SLC6A15: variants seen among roughly 807,000 people sequenced by gnomAD.
SLC6A15 encodes sodium-dependent neutral amino acid transporter B(0)AT2.
In SLC6A15, 33 loss-of-function variants were observed where a neutral mutation model predicts 68.5. The observed-to-expected ratio is 0.48, with a 90% confidence interval of 0.37 to 0.64. SLC6A15 has a LOEUF of 0.64. Among genes scored for constraint, SLC6A15 ranks in the 30% least tolerant of loss-of-function variants. The pLI is 0.00. For synonymous variants in SLC6A15, 347 were observed against 301.0 expected, an observed-to-expected ratio of 1.15 and a Z score of -1.58; for missense variants, 747 against 874.3, an observed-to-expected ratio of 0.85 and a Z score of 1.84.
chr12:84,882,749 T>C (rs1354591747), intron 5 of SLC6A15: 1 of 172,940 alleles, frequency 5.8e-6, no homozygotes, highest in Non-Finnish European at 1.1e-5. Flanking sequence ...TGTAAAATGG[T>C]TCTGAAAATA....
intron 1 of SLC6A15, among the ~76,000 whole-genome samples, chr12:84,908,206 ACT>A (rs1281214105): frequency 1.3e-5 from 2 of 151,928 alleles, no homozygotes; most frequent in Admixed American, 6.6e-5. Context: ...GCTCACAAGA[ACT>A]CTCTGTGTTA....
At position 84,884,031 on chromosome 12, in the gene SLC6A15, G is replaced by A. The variant is rs1186216598; in HGVS notation, c.584C>T (p.Pro195Leu). The change falls in exon 5 of 12, where the codon CCA becomes CTA. Residue 195 changes from proline to leucine, a missense_variant. Transcript: ENST00000266682. Reference sequence around the variant, plus strand: ...GGTGGCAGAACTTTGTTCACATTCTGGTTCTACAACTGTAGAAAGAAAAGT... The same window carrying A: ...GGTGGCAGAACTTTGTTCACATTCTAGTTCTACAACTGTAGAAAGAAAAGT... ...VKNASHTFVE[P>L]ECEQSSATTY... 6.2e-7 allele frequency: 1 copy of A among 1,613,220 alleles called. No homozygotes were observed. The highest frequency in any genetic ancestry group is 8.5e-7 in the Non-Finnish European group (1 of 1,179,314).
intron 1 of SLC6A15, among the ~76,000 whole-genome samples, chr12:84,899,848 TA>T (rs1872782447): frequency 6.6e-6 from 1 of 152,120 alleles, no homozygotes; most frequent in Non-Finnish European, 1.5e-5. Flanking sequence ...TTGAAGCACT[TA>T]AAAGTAGATC....
At chr12:84,908,741 A>C (rs1419141470) in intron 1 of SLC6A15, among the ~76,000 whole-genome samples, 3 of 151,808 alleles carry the variant, frequency 2.0e-5, no homozygotes, top group Non-Finnish European at 4.4e-5. Context: ...GTGTGTATAC[A>C]CACTTAAACA....
At chr12:84,880,820 T>C in intron 5 of SLC6A15, 1 of 719,956 alleles carries the variant, frequency 1.4e-6, no homozygotes. Flanking sequence ...TACTAAAGTG[T>C]TTAAAAAATC....
intron 1 of SLC6A15, among the ~76,000 whole-genome samples, chr12:84,900,218 T>G (rs938088077): frequency 6.6e-6 from 1 of 152,068 alleles, no homozygotes; most frequent in Non-Finnish European, 1.5e-5. Flanking sequence ...AATTTATTTC[T>G]GATTAATGTG....
chr12:84,870,708 A>C, intron 8 of SLC6A15, 38 bp from the exon 9 acceptor site: 1 of 1,335,632 alleles, frequency 7.5e-7, no homozygotes, highest in Non-Finnish European at 1.0e-6. Context: ...AGTACAGAGT[A>C]ATTATTAAAC....
At chr12:84,901,257 GT>G (rs1182155368) in intron 1 of SLC6A15, among the ~76,000 whole-genome samples, 2 of 151,488 alleles carry the variant, frequency 1.3e-5, no homozygotes, top group Non-Finnish European at 3.0e-5. Flanking sequence ...TTCTGAAAAT[GT>G]TTTAAATTAA....
chr12:84,897,028 T>G (rs1565731491), intron 1 of SLC6A15, among the ~76,000 whole-genome samples: 1 of 151,714 alleles, frequency 6.6e-6, no homozygotes, highest in East Asian at 1.9e-4. Flanking sequence ...CCCTCTCCCC[T>G]AAAAAAATAC....
chr12:84,870,236 A>G (rs1203731002), intron 9 of SLC6A15, among the ~76,000 whole-genome samples: 2 of 150,538 alleles, frequency 1.3e-5, no homozygotes, highest in Non-Finnish European at 3.0e-5. Flanking sequence ...AACAATAAAT[A>G]TTTATTATAA....
chr12:84,884,386 A>T (rs1338001650), intron 4 of SLC6A15, among the ~76,000 whole-genome samples: 1 of 151,786 alleles, frequency 6.6e-6, no homozygotes, highest in Admixed American at 6.6e-5. Flanking sequence ...GCTCACTGCA[A>T]CCTCTGCCTC....
rs1320673855 is a variant in SLC6A15, at chr12:84,863,573, C to T, written c.1684G>A (p.Gly562Ser). ...KFMEDLKDML[G>S]FAPSRYYYYM... Reference sequence around the variant, plus strand: ...TAGTAATATCTGCTGGGAGCAAAGCCCAGCATATCTTTTAGGTCTTCCATA... The same window carrying T: ...TAGTAATATCTGCTGGGAGCAAAGCTCAGCATATCTTTTAGGTCTTCCATA... Residue 562 changes from glycine to serine, a missense_variant, in exon 11 of 12, where the codon GGC (glycine) becomes AGC (serine). Coordinates refer to ENST00000266682, the MANE Select transcript of SLC6A15 (RefSeq NM_182767.6). The T allele has an allele frequency of 1.0e-5, 16 of 1,563,222 alleles. No individual in the cohort carries two copies. The highest frequency in any genetic ancestry group is 1.4e-5 in the Non-Finnish European group (16 of 1,162,996).
intron 2 of SLC6A15, among the ~76,000 whole-genome samples, chr12:84,887,617 T>C (rs141265216): frequency 4.8e-4 from 73 of 152,298 alleles, no homozygotes; most frequent in Middle Eastern, 6.8e-3. Flanking sequence ...ACTGCTGACC[T>C]GAATGTTTTT....
intron 1 of SLC6A15, among the ~76,000 whole-genome samples, chr12:84,902,815 C>A (rs1429109181): frequency 6.6e-6 from 1 of 151,950 alleles, no homozygotes; most frequent in East Asian, 1.9e-4. Context: ...TAGAAATAAA[C>A]AACATATTCA....
intron 1 of SLC6A15, among the ~76,000 whole-genome samples, chr12:84,901,725 A>G (rs1872891927): frequency 6.6e-6 from 1 of 151,988 alleles, no homozygotes; most frequent in East Asian, 1.9e-4. Flanking sequence ...ATATATCTGC[A>G]CTGGCTAATT....
intron 1 of SLC6A15, among the ~76,000 whole-genome samples, chr12:84,909,389 ATATCCCAGTT>A (rs1873333019): frequency 6.6e-6 from 1 of 152,154 alleles, no homozygotes; most frequent in Admixed American, 6.5e-5. Flanking sequence ...AAATTGCCCT[ATATCCCAGTT>A]TATTTTTAGG....
In SLC6A15 at chr12:84,892,141, T is replaced by TAAAA. The variant is rs5799712; in HGVS notation, c.-25_-22dup. 1.3e-3 allele frequency: 1,803 copies of TAAAA among 1,341,548 alleles called. 11 individuals carry two copies. In the African/African-American group the frequency reaches 0.021, roughly 15 times the overall value. 83.1% of individuals were successfully genotyped at this position (1,341,548 alleles called of 1,614,324 possible). ...GGCATTGGAGAGTATGCGAAGTATT[T>TAAAA]AAAAAAAAAAAAAAAAACTCCCTTA... On this transcript the variant is annotated 5_prime_UTR_variant, in exon 2 of 12. Transcript: ENST00000266682.
intron 8 of SLC6A15, among the ~76,000 whole-genome samples, chr12:84,872,156 C>CA (rs397944851): frequency 0.2 from 17,960 of 90,178 alleles, 1,207 homozygotes; most frequent in South Asian, 0.37. Context: ...GACTACGGCT[C>CA]AAAAAAAAAA....
chr12:84,903,844 A>C (rs1188711219), intron 1 of SLC6A15, among the ~76,000 whole-genome samples: 1 of 152,174 alleles, frequency 6.6e-6, no homozygotes, highest in African/African-American at 2.4e-5. Context: ...GATGTCAGGA[A>C]GTAGGAACTG....
Sources: gnomAD v4.1 joint callset for allele counts (sites outside exome capture counted in the v4.1 genomes callset) on GRCh38, gnomAD v4.1.1 for gene constraint, MANE v1.5 for transcripts, NCBI Gene and HGNC (gene_info 2026-07-23, HGNC 2026-07-21) for gene names.